The following SYNE1 variants were observed in gnomAD, a reference collection of about 807,000 sequenced individuals.
SYNE1 encodes nesprin-1.
A neutral mutation model predicts 1,111.0 loss-of-function variants in SYNE1; 616 were observed. The observed-to-expected ratio is 0.55, with a 90% CI of 0.52 to 0.59. The LOEUF (loss-of-function observed/expected upper bound fraction) is 0.59. Ranked by LOEUF, SYNE1 falls within the 20% of genes least tolerant of loss-of-function variation. SYNE1 has a pLI of 0.00. For missense variants in SYNE1, 10,006 were observed against 10,417.0 expected (o/e 0.96, Z 1.72); for synonymous variants, 3,855 against 3,825.8 (o/e 1.01, Z -0.28).
chr6:152,510,879 T>G (rs2099081528), intron 7 of SYNE1, 132 bp downstream of exon 7: 1 of 859,332 alleles, frequency 1.2e-6, no homozygotes, highest in African/African-American at 1.7e-5. Flanking sequence ...ACAACGTATG[T>G]GTGAAAGGTA....
At chr6:152,366,911 T>G (rs1468040080) in intron 62 of SYNE1, 3 of 511,532 alleles carry the variant, frequency 5.9e-6, no homozygotes, top group Non-Finnish European at 1.1e-5. Flanking sequence ...TATAAAATGT[T>G]TCCTCAAAAT....
At chr6:152,174,983 C>G (rs1321293455) in intron 130 of SYNE1, among the ~76,000 whole-genome samples, 3 of 152,196 alleles carry the variant, frequency 2.0e-5, no homozygotes, top group African/African-American at 4.8e-5. Flanking sequence ...CACCTGAGGT[C>G]AGGAGTTTGA....
At position 152,330,889 on chromosome 6, in the gene SYNE1, T is replaced by G. The variant is rs147595331; in HGVS notation, c.13796A>C (p.His4599Pro). 6.2e-7 allele frequency: 1 copy of G among 1,614,102 alleles called. No homozygotes were observed. The highest frequency in any genetic ancestry group is 1.1e-5 in the South Asian group (1 of 91,084). Residue 4599 changes from histidine (H) to proline (P), a missense_variant, in exon 78 of 146, where the codon CAT becomes CCT. By Grantham distance (77) the His-to-Pro change is moderately conservative. Coordinates refer to ENST00000367255, the MANE Select transcript of SYNE1 (RefSeq NM_182961.4). ...GTTTTGGTATTTAGCCAGTTGTGTA[T>G]GAAGCTCAGAACTCTCATTCATTAG... is the stretch of plus-strand genomic sequence containing the variant. The part of the protein sequence containing the change: ...INLMNESSEL[H>P]TQLAKYQNIL...
At chr6:152,592,928 A>T (rs908702900) in intron 3 of SYNE1, among the ~76,000 whole-genome samples, 6 of 151,866 alleles carry the variant, frequency 4.0e-5, no homozygotes, top group African/African-American at 1.2e-4. Context: ...CTGCAATGCA[A>T]CAGCAGCCTG....
rs756774742 is a variant in SYNE1 at position 152,208,058 on chromosome 6, C to T, written c.22738G>A (p.Val7580Ile). Reference sequence around the variant, plus strand: ...CTCATGGGGAGGTAGGACACTTCAACCAACCATTTACGAAGCTTTTCTGCC... The same window carrying T: ...CTCATGGGGAGGTAGGACACTTCAATCAACCATTTACGAAGCTTTTCTGCC... ...EMAEKLRKWL[V>I]EVSYLPMSGL... is the part of the protein sequence containing the mutation. Residue 7580 changes from valine to isoleucine, a missense_variant, in exon 125 of 146, where the codon GTT (valine) becomes ATT (isoleucine). Coordinates refer to ENST00000367255, the MANE Select transcript of SYNE1 (RefSeq NM_182961.4). The T allele has an allele frequency of 9.3e-6, 15 of 1,614,168 alleles. No homozygotes were observed. The highest frequency in any genetic ancestry group is 1.3e-5 in the Non-Finnish European group (15 of 1,180,022).
chr6:152,393,457 T>C (rs1049438748), intron 51 of SYNE1, among the ~76,000 whole-genome samples: 13 of 152,020 alleles, frequency 8.6e-5, no homozygotes, highest in African/African-American at 3.1e-4. Flanking sequence ...AGTTATATGG[T>C]TGCAATGATG....
chr6:152,563,532 C>T (rs990977724), intron 3 of SYNE1, among the ~76,000 whole-genome samples: 1 of 152,060 alleles, frequency 6.6e-6, no homozygotes, highest in Admixed American at 6.5e-5. Context: ...GTAATTGTTT[C>T]ACAATGAGAA....
At position 152,154,931 on chromosome 6, in the gene SYNE1, C is replaced by A. The variant is rs771536738; in HGVS notation, c.24090G>T (p.Val8030=). The change falls in exon 133 of 146, where the codon GTG becomes GTT. Residue 8030 remains valine, a synonymous_variant. Transcript: ENST00000367255. ...RTAAFPSSSG[V]IYTVAKEELK... is the part of the protein sequence containing the mutation. ...GTTCTTCCTTGGCAACTGTATAGAT[C>A]ACCCCAGAAGAGCTGGGAAAAGCAG... 1 of 1,614,160 alleles carries A rather than the reference C, an allele frequency of 6.2e-7. No homozygotes were observed. The highest frequency in any genetic ancestry group is 8.5e-7 in the Non-Finnish European group (1 of 1,180,024).
At chr6:152,249,018 C>A in intron 105 of SYNE1, 143 bp downstream of exon 105, 1 of 686,486 alleles carries the variant, frequency 1.5e-6, no homozygotes. Flanking sequence ...GTATGTTATT[C>A]AAACCCAGTA....
chr6:152,628,060 A>AAAAAAG (rs2099689702), intron 3 of SYNE1, among the ~76,000 whole-genome samples: 1 of 150,164 alleles, frequency 6.7e-6, no homozygotes, highest in South Asian at 2.1e-4. Context: ...AAAAAAAAAA[A>AAAAAAG]GCTGTATTTT....
chr6:152,341,292 T>A (rs1465435031), intron 74 of SYNE1, among the ~76,000 whole-genome samples: 2 of 152,206 alleles, frequency 1.3e-5, no homozygotes, highest in Non-Finnish European at 2.9e-5. Flanking sequence ...GAGAATAAGT[T>A]GTCAGAATTT....
At chr6:152,627,734 G>C (rs2099688758) in intron 3 of SYNE1, among the ~76,000 whole-genome samples, 1 of 152,154 alleles carries the variant, frequency 6.6e-6, no homozygotes, top group Non-Finnish European at 1.5e-5. Flanking sequence ...TGCAGGACTA[G>C]TCTGTACCCT....
chr6:152,413,568 AAAGG>A, intron 41 of SYNE1, 37 bp from the exon 42 acceptor site: 3 of 1,599,936 alleles, frequency 1.9e-6, no homozygotes, highest in Non-Finnish European at 2.6e-6. Context: ...TTAATTTACT[AAAGG>A]TAGTAAATGA....
chr6:152,288,262 G>A (rs1393817934), intron 95 of SYNE1, among the ~76,000 whole-genome samples: 1 of 151,822 alleles, frequency 6.6e-6, no homozygotes, highest in African/African-American at 2.4e-5. Context: ...ACCCACTCCT[G>A]TTGCCATTCC....
At chr6:152,433,150 T>C (rs2098443959) in intron 34 of SYNE1, among the ~76,000 whole-genome samples, 1 of 150,426 alleles carries the variant, frequency 6.6e-6, no homozygotes. Flanking sequence ...TGGTATAAAA[T>C]TGTATAAAAG....
Position 152,233,863 on chromosome 6 carries a change from A to G in SYNE1, c.20630T>C (p.Leu6877Pro), listed in dbSNP as rs904719116. ...ATCAATGCGCGACAGCTCAGAGCGC[A>G]GCGTGGCTGTGTCCACCTTTTTTAG... The part of the protein sequence containing the change: ...LRLKKVDTAT[L>P]RSELSRIDSQ... The change falls in exon 112 of 146, where the codon CTG (leucine) becomes CCG (proline). Residue 6877 changes from leucine to proline, a missense_variant. Leu to Pro is a moderately conservative substitution (Grantham distance 98). Around this residue, in one of 7 missense-constraint regions of SYNE1, gnomAD observed 2,182 missense variants for 2,287.8 expected, o/e 0.95. Coordinates refer to ENST00000367255, the MANE Select transcript of SYNE1 (RefSeq NM_182961.4). The G allele has an allele frequency of 6.2e-7, 1 of 1,614,232 alleles. No homozygotes were observed. Among genetic ancestry groups the G allele is most frequent in the Non-Finnish European group, 8.5e-7 (1 of 1,180,036 alleles).
chr6:152,218,121 A>C (rs1588061559), intron 121 of SYNE1, 136 bp downstream of exon 121: 1 of 1,004,522 alleles, frequency 1.0e-6, no homozygotes, highest in East Asian at 2.4e-5. Context: ...GAACCCGGAA[A>C]GCAGAGGTTG....
At position 152,458,898 on chromosome 6, in the gene SYNE1, C is replaced by G. The variant is rs749509412; in HGVS notation, c.2427G>C (p.Glu809Asp). The G allele has an allele frequency of 6.2e-7, 1 of 1,613,984 alleles. No individual in the cohort carries two copies. The highest frequency in any genetic ancestry group is 2.2e-5 in the East Asian group (1 of 44,862). Reference sequence around the variant, plus strand: ...CCAACGGAATCAACAGCTGCTGAGACTCATAAAGGAGTGGGGAGTAACATT... The same window carrying G: ...CCAACGGAATCAACAGCTGCTGAGAGTCATAAAGGAGTGGGGAGTAACATT... The part of the protein sequence containing the change: ...VKECYSPLLY[E>D]SQQLLIPLEE... The change falls in exon 22 of 146, where the codon GAG becomes GAC. Residue 809 changes from glutamate to aspartate, a missense_variant. By Grantham distance (45) the Glu-to-Asp change is conservative. This residue lies in a region of SYNE1 where 1,971 missense variants were observed against 2,084.1 expected (regional missense o/e 0.95). Coordinates refer to ENST00000367255, the MANE Select transcript of SYNE1 (RefSeq NM_182961.4).
rs183737257 is a variant in SYNE1, at chr6:152,633,191, G to A, written c.-224+3447C>T. 5.1e-3 allele frequency among the ~76,000 whole-genome samples: 772 copies of A among 152,290 alleles called. 2 individuals carry two copies. Among genetic ancestry groups the A allele is most frequent in the Non-Finnish European group, 9.3e-3 (631 of 68,022 alleles). ...GGAGAGGGAATGAAGAGTGAAGCTAGGCATTGGGATGGAATTGGAGAATTT... is the reference window on the plus strand; with the variant it reads ...GGAGAGGGAATGAAGAGTGAAGCTAAGCATTGGGATGGAATTGGAGAATTT... On this transcript the variant is annotated intron_variant, in intron 2 of 145. Coordinates refer to ENST00000367255, the MANE Select transcript of SYNE1 (RefSeq NM_182961.4).
Sources: gnomAD v4.1 joint callset for allele counts (sites outside exome capture counted in the v4.1 genomes callset) on GRCh38, gnomAD v4.1.1 for gene constraint, gnomAD v4.1.1 regional missense constraint, MANE v1.5 for transcripts, NCBI Gene and HGNC (gene_info 2026-07-23, HGNC 2026-07-21) for gene names.